The following KDM2B variants were observed in gnomAD, a reference collection of about 807,000 sequenced individuals.
The protein encoded by KDM2B is lysine-specific demethylase 2B.
Under a neutral mutation model 150.0 loss-of-function variants are expected in KDM2B, and 26 were observed. The observed-to-expected ratio is 0.17, with a 90% CI of 0.13 to 0.24. The LOEUF is 0.24. KDM2B is among the 10% of genes least tolerant of loss of function. The pLI is 1.00. For synonymous variants in KDM2B, 734 were observed against 729.5 expected (o/e 1.01, Z -0.10); for missense variants, 1,265 against 1,816.9 (o/e 0.70, Z 5.52).
intron 4 of KDM2B, among the ~76,000 whole-genome samples, chr12:121,572,112 C>G (rs181252497): frequency 1.3e-5 from 2 of 152,142 alleles, no homozygotes; most frequent in Non-Finnish European, 2.9e-5. Context: ...GTGGGCGGAT[C>G]GCTTAGGCCC....
At chr12:121,547,289 C>T (rs1484846301) in intron 6 of KDM2B, among the ~76,000 whole-genome samples, 2 of 152,190 alleles carry the variant, frequency 1.3e-5, no homozygotes, top group African/African-American at 4.8e-5. Flanking sequence ...CAGTCTCTGC[C>T]TTTGATGCAG....
At chr12:121,420,754 G>A in the KDM2B span, 1 of 1,613,724 alleles carries the variant, frequency 6.2e-7, no homozygotes, top group South Asian at 1.1e-5. Flanking sequence ...GTTATACAAA[G>A]AGAATGAAGA....
intron 4 of KDM2B, among the ~76,000 whole-genome samples, chr12:121,561,487 G>T (rs1484581192): frequency 2.0e-5 from 3 of 152,170 alleles, no homozygotes; most frequent in Non-Finnish European, 2.9e-5. Flanking sequence ...GCCCGCCTCA[G>T]CCTCCCAAAG....
chr12:121,534,475 G>A, intron 7 of KDM2B, 22 bp downstream of exon 7: 1 of 1,586,168 alleles, frequency 6.3e-7, no homozygotes, highest in South Asian at 1.1e-5. Flanking sequence ...TGCATAGAAA[G>A]TTAAAGGCAA....
intron 6 of KDM2B, among the ~76,000 whole-genome samples, chr12:121,544,748 A>G (rs943137792): frequency 6.6e-6 from 1 of 151,842 alleles, no homozygotes; most frequent in Admixed American, 6.6e-5. Context: ...CCCTGTCTCT[A>G]CTAAAAATAC....
chr12:121,441,049 G>C, intron 20 of KDM2B, 21 bp downstream of exon 20: 1 of 1,613,772 alleles, frequency 6.2e-7, no homozygotes, highest in Non-Finnish European at 8.5e-7. Flanking sequence ...ACACACTCGG[G>C]GCCACTGGCC....
intron 10 of KDM2B, among the ~76,000 whole-genome samples, chr12:121,510,926 A>G (rs1287882161): frequency 6.6e-6 from 1 of 151,964 alleles, no homozygotes. Flanking sequence ...AAAGTAGATG[A>G]GTAGTTGCCT....
chr12:121,555,772 A>T (rs1157451112), intron 4 of KDM2B, among the ~76,000 whole-genome samples: 6 of 152,128 alleles, frequency 3.9e-5, no homozygotes, highest in Non-Finnish European at 5.9e-5. Context: ...TATCTCTCAA[A>T]TATCTCCAAT....
intron 22 of KDM2B, 114 bp downstream of exon 22, chr12:121,439,743 A>G: frequency 3.9e-6 from 3 of 762,974 alleles, no homozygotes; most frequent in African/African-American, 1.7e-5. Context: ...AGTAAACGAG[A>G]CACCTAGCAC....
rs189427999 is a variant in KDM2B at position 121,534,177 on chromosome 12, G to A, written c.777+320C>T. Among the ~76,000 whole-genome samples the A allele has an allele frequency of 7.4e-3, 1,121 of 152,138 alleles. 9 individuals are homozygous for A. Among genetic ancestry groups the A allele is most frequent in the African/African-American group, 0.024 (988 of 41,518 alleles). On this transcript the variant is annotated intron_variant, in intron 7 of 22. Coordinates refer to ENST00000377071, the MANE Select transcript of KDM2B (RefSeq NM_032590.5). ...ATCCTGGCTAACACGGTGAAACCCC[G>A]TCTCTACTAAAAATACAAAAAATTA...
chr12:121,430,334 A>C lies in KDM2B; in HGVS notation c.3965T>G (p.Val1322Gly), dbSNP rs1330893472. ...EQFIAEMSVS[V>G]QFGQVEEKLL... ...TTTTTCTTCTACTTGCCCAAACTGG[A>C]CACTCACAGACATCTCGGCTATGAA... Residue 1322 changes from valine (V) to glycine (G), a missense_variant, in exon 23 of 23, where the codon GTC becomes GGC. Coordinates refer to ENST00000377071, the MANE Select transcript of KDM2B (RefSeq NM_032590.5). This position sits in a 1 kb window ranked among gnomAD's most constrained non-coding sequence, Gnocchi z 4.4. 6.2e-7 allele frequency: 1 copy of C among 1,613,980 alleles called. No individual in the cohort carries two copies. The highest frequency in any genetic ancestry group is 8.5e-7 in the Non-Finnish European group (1 of 1,180,026).
chr12:121,517,024 T>C (rs1555305136), intron 9 of KDM2B, among the ~76,000 whole-genome samples: 1 of 151,858 alleles, frequency 6.6e-6, no homozygotes. Context: ...CTGCTTTCAC[T>C]AGAGCCACTG....
At chr12:121,433,261 C>A in intron 22 of KDM2B, 1 of 452,164 alleles carries the variant, frequency 2.2e-6, no homozygotes, top group Admixed American at 2.4e-5. Flanking sequence ...TCACTGCAGC[C>A]TGGTTTCTCG....
intron 14 of KDM2B, 99 bp from the exon 15 acceptor site, chr12:121,444,635 C>G: frequency 1.1e-6 from 1 of 939,402 alleles, no homozygotes. Flanking sequence ...CAGCAGCACC[C>G]CCTCCCCAAC....
chr12:121,408,470 TAAAAA>T, the KDM2B span, among the ~76,000 whole-genome samples: 1 of 150,902 alleles, frequency 6.6e-6, no homozygotes, highest in Admixed American at 6.6e-5. Flanking sequence ...TAAAAATAAA[TAAAAA>T]CTAGAAAATG....
chr12:121,525,693 T>G (rs976983344), intron 8 of KDM2B, among the ~76,000 whole-genome samples: 2 of 152,180 alleles, frequency 1.3e-5, no homozygotes, highest in East Asian at 3.9e-4. Flanking sequence ...TCCCCTTCCC[T>G]GCTTTAGACC....
Position 121,580,923 on chromosome 12 carries a change from A to C in KDM2B, c.-12T>G. On this transcript the variant is annotated 5_prime_UTR_variant, in exon 1 of 23. The change abolishes an upstream ATG in the 5' untranslated region. Coordinates refer to ENST00000377071, the MANE Select transcript of KDM2B (RefSeq NM_032590.5). ...TGCGGACCCGCCATGTGGAGGAGGC[A>C]TTTGGGGGGCTCAGAAGGAAATTAG... is the stretch of plus-strand genomic sequence containing the variant. 2 of 1,612,694 alleles carry C rather than the reference A, an allele frequency of 1.2e-6. No individual in the cohort carries two copies. Among genetic ancestry groups the C allele is most frequent in the Non-Finnish European group, 1.7e-6 (2 of 1,179,562 alleles).
At position 121,521,687 on chromosome 12, in the gene KDM2B, C is replaced by T. The variant is rs1338857643; in HGVS notation, c.932-587G>A. ...CACAACGCCTGCATGCCCCCCTCAG[C>T]TCTGCCCTCCACTCTGCCCCACAGG... is the stretch of plus-strand genomic sequence containing the variant. On this transcript the variant is annotated intron_variant, in intron 8 of 22. Coordinates refer to ENST00000377071, the MANE Select transcript of KDM2B (RefSeq NM_032590.5). This position sits in a 1 kb window ranked among gnomAD's most constrained non-coding sequence, Gnocchi z 4.9. Among the ~76,000 whole-genome samples the T allele has an allele frequency of 1.3e-5, 2 of 152,194 alleles. No homozygotes were observed. Among genetic ancestry groups the T allele is most frequent in the African/African-American group, 4.8e-5 (2 of 41,446 alleles).
chr12:121,559,394 G>C (rs1019182232), intron 4 of KDM2B, among the ~76,000 whole-genome samples: 1 of 152,102 alleles, frequency 6.6e-6, no homozygotes, highest in African/African-American at 2.4e-5. Context: ...AGTTCTGTTG[G>C]GCACCTGGGC....
Sources: allele counts gnomAD v4.1 joint callset (sites outside exome capture counted in the v4.1 genomes callset), GRCh38; gene constraint gnomAD v4.1.1; non-coding constraint Gnocchi (gnomAD v3.1); transcripts MANE v1.5; gene names NCBI Gene and HGNC (gene_info 2026-07-23, HGNC 2026-07-21).